Variants in PDE2A observed in about 807,000 individuals in gnomAD.
PDE2A encodes the protein phosphodiesterase 2A, also known as cGMP-dependent 3',5'-cyclic phosphodiesterase.
Under a neutral mutation model 133.6 loss-of-function variants are expected in PDE2A, and 53 were observed. The ratio of observed to expected loss-of-function variants is 0.40; its 90% confidence interval spans 0.32 to 0.50. The LOEUF (loss-of-function observed/expected upper bound fraction) is 0.50. Among genes scored for constraint, PDE2A ranks in the 20% least tolerant of loss-of-function variants. PDE2A has a pLI of 0.73. For synonymous variants in PDE2A, 491 were observed against 490.2 expected (o/e 1.00, Z -0.02); for missense variants, 796 against 1,232.4 (o/e 0.65, Z 5.30).
chr11:72,631,968 T>A (rs1038644580), intron 2 of PDE2A, among the ~76,000 whole-genome samples: 2 of 151,462 alleles, frequency 1.3e-5, no homozygotes, highest in African/African-American at 4.9e-5. Flanking sequence ...CTGGCCGCCA[T>A]GCCAGCCTGG....
chr11:72,623,491 C>T lies in PDE2A; in HGVS notation c.145-14740G>A, dbSNP rs549803060. Among the ~76,000 whole-genome samples, 12 of 152,250 alleles carry T rather than the reference C, an allele frequency of 7.9e-5. No homozygotes were observed. The South Asian group carries it at 2.1e-3, about 26-fold the overall frequency. On this transcript the variant is annotated intron_variant, in intron 2 of 30. Transcript: ENST00000334456. Reference sequence around the variant, plus strand: ...CTCTCCATTATCCCAGCCAGGTCCACGACCTTAACAAACCCCCCATGCCTG... The same window carrying T: ...CTCTCCATTATCCCAGCCAGGTCCATGACCTTAACAAACCCCCCATGCCTG...
At chr11:72,602,671 G>A (rs755537701) in intron 4 of PDE2A, among the ~76,000 whole-genome samples, 1 of 152,232 alleles carries the variant, frequency 6.6e-6, no homozygotes, top group African/African-American at 2.4e-5. Context: ...GGACTTGGGA[G>A]TGCAAGTAGC....
At chr11:72,662,511 GAC>G (rs1050056895) in intron 1 of PDE2A, among the ~76,000 whole-genome samples, 4 of 152,208 alleles carry the variant, frequency 2.6e-5, no homozygotes, top group African/African-American at 9.7e-5. Flanking sequence ...ATGCAACGGT[GAC>G]ACAGTTTTGC....
intron 11 of PDE2A, among the ~76,000 whole-genome samples, 196 bp downstream of exon 11, chr11:72,589,555 A>G (rs1471477830): frequency 6.6e-6 from 1 of 152,336 alleles, no homozygotes; most frequent in African/African-American, 2.4e-5. Context: ...GTAGATGCTA[A>G]GAGATTCTTC....
rs1270643234 is a variant in PDE2A at position 72,581,444 on chromosome 11, G to A, written c.1958C>T (p.Pro653Leu). The part of the protein sequence containing the change: ...CLMVKKGYRD[P>L]PYHNWMHAFS... Reference sequence around the variant, plus strand: ...GGCGTGCATCCAGTTGTGGTAGGGGGGATCCCGGTAGCCCTTCTTCACCAT... The same window carrying A: ...GGCGTGCATCCAGTTGTGGTAGGGGAGATCCCGGTAGCCCTTCTTCACCAT... Residue 653 changes from proline (P) to leucine (L), a missense_variant, in exon 23 of 31, where the codon CCC becomes CTC. This residue lies in a region of PDE2A where 218 missense variants were observed against 465.9 expected (regional missense o/e 0.47). Coordinates refer to ENST00000334456, the MANE Select transcript of PDE2A (RefSeq NM_002599.5). 4 of 1,606,762 alleles carry A rather than the reference G, an allele frequency of 2.5e-6. No individual in the cohort carries two copies. In the African/African-American group the frequency reaches 5.3e-5, roughly 21 times the overall value.
chr11:72,638,398 A>G (rs1229462250), intron 2 of PDE2A, among the ~76,000 whole-genome samples: 2 of 152,168 alleles, frequency 1.3e-5, no homozygotes, highest in African/African-American at 4.8e-5. Flanking sequence ...CCAGCTCAGG[A>G]CACACACGGT....
At chr11:72,614,126 A>G (rs1857348785) in intron 2 of PDE2A, among the ~76,000 whole-genome samples, 1 of 152,202 alleles carries the variant, frequency 6.6e-6, no homozygotes, top group Non-Finnish European at 1.5e-5. Context: ...AGTCAGAGAC[A>G]AGAAAGCAGA....
chr11:72,672,479 C>A (rs112733120), intron 1 of PDE2A, among the ~76,000 whole-genome samples: 11 of 152,220 alleles, frequency 7.2e-5, no homozygotes, highest in Non-Finnish European at 1.3e-4. Context: ...AGCCACCATG[C>A]CTGGCCCAGG....
chr11:72,633,233 G>A (rs1396590518), intron 2 of PDE2A, among the ~76,000 whole-genome samples: 1 of 152,150 alleles, frequency 6.6e-6, no homozygotes, highest in Non-Finnish European at 1.5e-5. Context: ...GGGAGGTCAG[G>A]GGAGGGTGGA....
At chr11:72,606,014 G>A (rs532811841) in intron 3 of PDE2A, among the ~76,000 whole-genome samples, 5 of 152,032 alleles carry the variant, frequency 3.3e-5, no homozygotes, top group African/African-American at 4.8e-5. Context: ...ACAGGGAGAC[G>A]TGAGCAGATT....
intron 4 of PDE2A, among the ~76,000 whole-genome samples, chr11:72,604,093 T>C (rs60000509): frequency 0.078 from 11,876 of 152,240 alleles, 1,224 homozygotes; most frequent in African/African-American, 0.24. Flanking sequence ...TCTTGGGACA[T>C]CCCCACTGGT....
chr11:72,581,729 T>C, intron 22 of PDE2A, 148 bp downstream of exon 22: 3 of 852,852 alleles, frequency 3.5e-6, no homozygotes, highest in East Asian at 5.3e-5. Context: ...TAGGAATTGC[T>C]TCTCATTCAT....
intron 1 of PDE2A, 178 bp from the exon 2 acceptor site, chr11:72,642,504 G>A: frequency 4.6e-6 from 2 of 435,250 alleles, no homozygotes; most frequent in Non-Finnish European, 5.1e-6. Context: ...CCCGCCCCCG[G>A]CCCGCCCCGG....
intron 2 of PDE2A, among the ~76,000 whole-genome samples, chr11:72,613,368 CCT>C (rs1259860507): frequency 2.0e-5 from 3 of 151,916 alleles, no homozygotes; most frequent in Non-Finnish European, 1.5e-5. Context: ...GTGAGGCCCT[CCT>C]CTCTCTCTGG....
chr11:72,584,315 T>A lies in PDE2A; in HGVS notation c.1538-2A>T. ...CCAGCTCGGCCACACCGATGACCTCTGGGGAAGGGAGAGGGGCAAGGAACC... is the reference window on the plus strand; with the variant it reads ...CCAGCTCGGCCACACCGATGACCTCAGGGGAAGGGAGAGGGGCAAGGAACC... On this transcript the variant is annotated splice_acceptor_variant, in intron 18 of 30. Transcript: ENST00000334456. LOFTEE classifies it high-confidence loss of function. 1 of 1,594,146 alleles carries A rather than the reference T, an allele frequency of 6.3e-7. No homozygotes were observed. The highest frequency in any genetic ancestry group is 1.1e-5 in the South Asian group (1 of 90,552).
chr11:72,650,644 A>G (rs1218027636), intron 1 of PDE2A, among the ~76,000 whole-genome samples: 2 of 152,032 alleles, frequency 1.3e-5, no homozygotes, highest in Admixed American at 1.3e-4. Flanking sequence ...CTCCAGCCCT[A>G]GGAGTCCCAT....
At chr11:72,588,611 A>G (rs951944239) in intron 13 of PDE2A, among the ~76,000 whole-genome samples, 173 bp downstream of exon 13, 1 of 152,224 alleles carries the variant, frequency 6.6e-6, no homozygotes, top group African/African-American at 2.4e-5. Flanking sequence ...GAGAAGAGGA[A>G]CTAGCTTGGA....
In PDE2A at chr11:72,642,260, G is replaced by A. The variant is rs774407213; in HGVS notation, c.138C>T (p.Ser46=). The change falls in exon 2 of 31, where the codon AGC becomes AGT. Residue 46 remains serine (S), a synonymous_variant. Transcript: ENST00000334456. The stretch of plus-strand genomic sequence containing the variant: ...AGCGCGGGGGCCCCCCTACCTGCAG[G>A]CTGTCGGCGCATGGCTGCGGCGGCG... ...PPPPPQPCAD[S]LQDALLSLGS... is the part of the protein sequence containing the mutation. The A allele has an allele frequency of 3.3e-6, 5 of 1,536,652 alleles. No individual in the cohort carries two copies. Among genetic ancestry groups the A allele is most frequent in the Non-Finnish European group, 4.4e-6 (5 of 1,144,602 alleles).
At position 72,579,266 on chromosome 11, in the gene PDE2A, G is replaced by A; in HGVS notation, c.2356+18C>T. 3 of 1,574,354 alleles carry A rather than the reference G, an allele frequency of 1.9e-6. No homozygotes were observed. Among genetic ancestry groups the A allele is most frequent in the Non-Finnish European group, 2.6e-6 (3 of 1,144,126 alleles). ...TTGTTCCTCCCCAGCCCCAAGGACT[G>A]GGGCTAACAGCAGTCACCCTCAGCC... On this transcript the variant is annotated intron_variant, in intron 27 of 30. Transcript: ENST00000334456.
Sources: gnomAD v4.1 joint callset for allele counts (sites outside exome capture counted in the v4.1 genomes callset) on GRCh38, gnomAD v4.1.1 for gene constraint, gnomAD v4.1.1 regional missense constraint, MANE v1.5 for transcripts, NCBI Gene and HGNC (gene_info 2026-07-23, HGNC 2026-07-21) for gene names.